Variants in SLC6A11 observed in about 807,000 individuals in gnomAD.
The protein encoded by SLC6A11 is solute carrier family 6 member 11.
SLC6A11 carries 25 observed loss-of-function variants against 74.8 expected under a neutral mutation model. That is an observed-to-expected ratio of 0.33 (90% CI 0.24 to 0.47). The LOEUF (loss-of-function observed/expected upper bound fraction) is 0.47, where lower values mean the gene tolerates loss of function less well. Among genes scored for constraint, SLC6A11 ranks in the 20% least tolerant of loss-of-function variants. The pLI, the probability that SLC6A11 is intolerant of heterozygous loss-of-function variation, is 1.00. For missense variants in SLC6A11, 574 were observed against 837.0 expected (o/e 0.69, Z 3.88); for synonymous variants, 330 against 330.2 (o/e 1.00, Z 0.01).
chr3:10,873,627 A>C (rs115769986), intron 5 of SLC6A11, among the ~76,000 whole-genome samples: 2 of 135,956 alleles, frequency 1.5e-5, no homozygotes, highest in African/African-American at 5.8e-5. Flanking sequence ...ATCCTATCCT[A>C]TCCTGTCCTG....
intron 6 of SLC6A11, among the ~76,000 whole-genome samples, chr3:10,875,781 A>G (rs1694900958): frequency 6.6e-6 from 1 of 152,158 alleles, no homozygotes. Context: ...AATACGTTAA[A>G]CAGATAAAAA....
intron 9 of SLC6A11, among the ~76,000 whole-genome samples, chr3:10,927,300 C>A (rs1416684501): frequency 6.6e-6 from 1 of 152,150 alleles, no homozygotes; most frequent in Non-Finnish European, 1.5e-5. Context: ...GCTGGGGCCC[C>A]GGCTCGGCGA....
rs1695810666 is a variant in SLC6A11, at chr3:10,940,378, A to G, written c.*1976A>G. ...CCCTGTGGTCCGCCATCGCCGACAC[A>G]CACACACGTCGTAATGTGGCTAACG... On this transcript the variant is annotated 3_prime_UTR_variant, in exon 14 of 14. Coordinates refer to ENST00000254488, the MANE Select transcript of SLC6A11 (RefSeq NM_014229.3). 8.3e-6 allele frequency: 1 copy of G among 120,046 alleles called. No individual in the cohort carries two copies. The highest frequency in any genetic ancestry group is 7.8e-5 in the Admixed American group (1 of 12,814). The allele number at this position is 120,046 out of a possible 1,614,324, so 7.4% of individuals were successfully genotyped here. A position where few individuals can be genotyped will look rare whatever the true frequency, so the allele number is the denominator to read the frequency against.
intron 10 of SLC6A11, 104 bp from the exon 11 acceptor site, chr3:10,933,047 A>C (rs1695711178): frequency 2.6e-6 from 2 of 768,530 alleles, no homozygotes; most frequent in Admixed American, 4.0e-5. Flanking sequence ...TGGCAGTGGT[A>C]GCCACAGAGC....
Position 10,937,305 on chromosome 3 carries a change from C to T in SLC6A11, c.1747-945C>T, listed in dbSNP as rs116169534. Among the ~76,000 whole-genome samples, 921 of 152,288 alleles carry T rather than the reference C, an allele frequency of 6.0e-3. 7 individuals are homozygous for T. The highest frequency in any genetic ancestry group is 0.017 in the African/African-American group (702 of 41,550). ...CAAACCCAGGCACCTGGCTTTGGAA[C>T]GCGTGCTCTAGCCCCAGATCCATGC... On this transcript the variant is annotated intron_variant, in intron 13 of 13. Transcript: ENST00000254488.
At chr3:10,876,864 C>T (rs916086272) in intron 6 of SLC6A11, among the ~76,000 whole-genome samples, 1 of 151,784 alleles carries the variant, frequency 6.6e-6, no homozygotes, top group African/African-American at 2.4e-5. Context: ...CTTTTAGGCC[C>T]TGGCCACCAG....
intron 8 of SLC6A11, among the ~76,000 whole-genome samples, chr3:10,923,941 A>G (rs73812354): frequency 1.3e-5 from 2 of 152,292 alleles, no homozygotes; most frequent in African/African-American, 4.8e-5. Flanking sequence ...CAACCTCACC[A>G]TAAGTCATGA....
In SLC6A11 at chr3:10,918,525, G is replaced by T; in HGVS notation, c.1120+72G>T. Reference sequence around the variant, plus strand: ...GGAGTGATGGTCATCATGGAAATGCGATCTTCCTCCTCGGCTCACACATCT... The same window carrying T: ...GGAGTGATGGTCATCATGGAAATGCTATCTTCCTCCTCGGCTCACACATCT... On this transcript the variant is annotated intron_variant, in intron 8 of 13. Transcript: ENST00000254488. The surrounding 1 kb of genome is among the most constrained non-coding windows in gnomAD (Gnocchi z 4.5). The T allele has an allele frequency of 2.6e-6, 4 of 1,520,276 alleles. No homozygotes were observed. Among genetic ancestry groups the T allele is most frequent in the Non-Finnish European group, 3.5e-6 (4 of 1,129,256 alleles). 94.2% of individuals were successfully genotyped at this position (1,520,276 alleles called of 1,614,324 possible).
At chr3:10,844,818 C>G (rs1238743487) in intron 5 of SLC6A11, among the ~76,000 whole-genome samples, 1 of 152,180 alleles carries the variant, frequency 6.6e-6, no homozygotes, top group East Asian at 1.9e-4. Flanking sequence ...ATCTTGCAGC[C>G]TTGCTGTGCC....
chr3:10,832,698 A>T (rs938604243), intron 4 of SLC6A11, among the ~76,000 whole-genome samples: 1 of 152,082 alleles, frequency 6.6e-6, no homozygotes, highest in African/African-American at 2.4e-5. Flanking sequence ...TACCACTCCT[A>T]TTACTCTCCT....
chr3:10,936,051 G>A (rs894564872), intron 13 of SLC6A11, among the ~76,000 whole-genome samples: 5 of 152,132 alleles, frequency 3.3e-5, no homozygotes, highest in Non-Finnish European at 7.3e-5. Context: ...ACTCCAGAGC[G>A]GCACTCCCTA....
In SLC6A11 at chr3:10,823,350, T is replaced by A. The variant is rs762763871; in HGVS notation, c.581T>A (p.Val194Glu). The change falls in exon 4 of 14, where the codon GTG becomes GAG. Residue 194 changes from valine (V) to glutamate (E), a missense_variant. By Grantham distance (121) the Val-to-Glu change is moderately radical. Coordinates refer to ENST00000254488, the MANE Select transcript of SLC6A11 (RefSeq NM_014229.3). ...QKLNVSNYSH[V>E]SLQNATSPVM... Reference sequence around the variant, plus strand: ...CTGAATGTGAGCAACTACAGCCATGTGTCTCTGCAGAATGCCACCTCCCCT... The same window carrying A: ...CTGAATGTGAGCAACTACAGCCATGAGTCTCTGCAGAATGCCACCTCCCCT... 1 of 1,614,008 alleles carries A rather than the reference T, an allele frequency of 6.2e-7. No individual in the cohort carries two copies. The highest frequency in any genetic ancestry group is 1.1e-5 in the South Asian group (1 of 91,080).
intron 6 of SLC6A11, among the ~76,000 whole-genome samples, chr3:10,878,765 C>T (rs1290206052): frequency 6.6e-6 from 1 of 152,126 alleles, no homozygotes; most frequent in Non-Finnish European, 1.5e-5. Context: ...CAAGTCTTTT[C>T]TGATTGCCCA....
At chr3:10,874,816 T>C in intron 5 of SLC6A11, 145 bp from the exon 6 acceptor site, 2 of 654,174 alleles carry the variant, frequency 3.1e-6, no homozygotes, top group Non-Finnish European at 4.9e-6. Flanking sequence ...ATCAAGCAAA[T>C]GTGGTCTATA....
At chr3:10,863,630 T>C (rs1694730348) in intron 5 of SLC6A11, among the ~76,000 whole-genome samples, 1 of 152,186 alleles carries the variant, frequency 6.6e-6, no homozygotes, top group African/African-American at 2.4e-5. Flanking sequence ...GGATGGCCTC[T>C]TACTGAGTCC....
chr3:10,816,318 C>T lies in SLC6A11; in HGVS notation c.53C>T (p.Ala18Val). Residue 18 changes from alanine to valine, a missense_variant, in exon 1 of 14, where the codon GCG becomes GTG. Physicochemically the swap from Ala to Val is moderately conservative, Grantham distance 64. Around this residue, in one of 4 missense-constraint regions of SLC6A11, gnomAD observed 86 missense variants for 87.4 expected, o/e 0.98. Coordinates refer to ENST00000254488, the MANE Select transcript of SLC6A11 (RefSeq NM_014229.3). This position sits in a 1 kb window ranked among gnomAD's most constrained non-coding sequence, Gnocchi z 4.2. ...PLGNGKAAEE[A>V]RESEAPGGGC... ...GGCAATGGGAAGGCTGCTGAGGAGGCGCGGGAGTCCGAGGCGCCGGGTGGC... is the reference window on the plus strand; with the variant it reads ...GGCAATGGGAAGGCTGCTGAGGAGGTGCGGGAGTCCGAGGCGCCGGGTGGC... The T allele has an allele frequency of 1.4e-6, 2 of 1,409,908 alleles. No homozygotes were observed. The highest frequency in any genetic ancestry group is 1.8e-6 in the Non-Finnish European group (2 of 1,085,024). 87.3% of individuals were successfully genotyped at this position (1,409,908 alleles called of 1,614,324 possible).
At chr3:10,931,291 A>T (rs1208445864) in intron 10 of SLC6A11, among the ~76,000 whole-genome samples, 2 of 152,192 alleles carry the variant, frequency 1.3e-5, no homozygotes, top group Non-Finnish European at 2.9e-5. Context: ...CTGGATTAAG[A>T]CACAGGAAGC....
chr3:10,886,009 C>T (rs527380906), intron 6 of SLC6A11, among the ~76,000 whole-genome samples: 4 of 152,270 alleles, frequency 2.6e-5, no homozygotes, highest in Admixed American at 2.0e-4. Context: ...GCCTCCTCTG[C>T]CCAGGGAGAC....
chr3:10,864,063 A>G (rs1292979376), intron 5 of SLC6A11, among the ~76,000 whole-genome samples: 1 of 152,018 alleles, frequency 6.6e-6, no homozygotes, highest in Non-Finnish European at 1.5e-5. Context: ...TGTCAGTCCT[A>G]TTATTATTAG....
Sources: allele counts gnomAD v4.1 joint callset (sites outside exome capture counted in the v4.1 genomes callset), GRCh38; gene constraint gnomAD v4.1.1; regional missense constraint gnomAD v4.1.1; non-coding constraint Gnocchi (gnomAD v3.1); transcripts MANE v1.5; gene names NCBI Gene and HGNC (gene_info 2026-07-23, HGNC 2026-07-21).